Variants in CACNA1E observed in about 807,000 individuals in gnomAD.
The protein encoded by CACNA1E is voltage-dependent R-type calcium channel subunit alpha-1E.
Under a neutral mutation model 259.2 loss-of-function variants are expected in CACNA1E, and 40 were observed. The observed-to-expected ratio is 0.15, with a 90% CI of 0.12 to 0.20. The LOEUF (loss-of-function observed/expected upper bound fraction) is 0.20. CACNA1E is among the 10% of genes least tolerant of loss of function. The probability of loss-of-function intolerance (pLI) is 1.00; values close to 1 mark genes in which losing one functional copy is unlikely to be tolerated. For missense variants in CACNA1E, 1,874 were observed against 3,040.1 expected (o/e 0.62, Z 9.02); for synonymous variants, 1,104 against 1,138.5 (o/e 0.97, Z 0.61).
intron 6 of CACNA1E, among the ~76,000 whole-genome samples, chr1:181,585,030 C>T (rs1446025913): frequency 2.6e-5 from 4 of 151,908 alleles, no homozygotes; most frequent in African/African-American, 9.7e-5. Context: ...CTGCCTCAAA[C>T]AACCCCATCT....
intron 3 of CACNA1E, among the ~76,000 whole-genome samples, chr1:181,555,564 G>A (rs983144879): frequency 5.9e-5 from 9 of 152,200 alleles, no homozygotes; most frequent in African/African-American, 1.9e-4. Context: ...AGAATAACCA[G>A]GTTTTCTCCT....
chr1:181,386,282 C>T (rs1033643758), intron 1 of CACNA1E, among the ~76,000 whole-genome samples: 11 of 152,024 alleles, frequency 7.2e-5, no homozygotes, highest in African/African-American at 2.7e-4. Flanking sequence ...GATACTTTGA[C>T]GGTGAGAAGT....
chr1:181,613,779 T>C (rs1412981236), intron 6 of CACNA1E, among the ~76,000 whole-genome samples: 1 of 152,224 alleles, frequency 6.6e-6, no homozygotes, highest in African/African-American at 2.4e-5. Flanking sequence ...CTTTGTGGCA[T>C]ATTTTTTTCC....
chr1:181,549,046 T>C (rs1647838226), intron 3 of CACNA1E, among the ~76,000 whole-genome samples: 1 of 152,222 alleles, frequency 6.6e-6, no homozygotes, highest in Non-Finnish European at 1.5e-5. Flanking sequence ...GAATCATTCT[T>C]AATCGATCCC....
intron 25 of CACNA1E, among the ~76,000 whole-genome samples, chr1:181,742,086 C>T (rs973489874): frequency 6.6e-6 from 1 of 152,206 alleles, no homozygotes; most frequent in South Asian, 2.1e-4. Context: ...GGTTCCCACT[C>T]CCCCTCCTTT....
intron 6 of CACNA1E, among the ~76,000 whole-genome samples, chr1:181,625,781 A>G (rs1572413433): frequency 6.6e-6 from 1 of 152,122 alleles, no homozygotes; most frequent in Non-Finnish European, 1.5e-5. Context: ...TTTTTCTTGC[A>G]CTCACAATTT....
intron 7 of CACNA1E, among the ~76,000 whole-genome samples, chr1:181,669,612 G>T (rs572370715): frequency 6.6e-6 from 1 of 152,328 alleles, no homozygotes; most frequent in East Asian, 1.9e-4. Context: ...ATCATGGTGA[G>T]TTCACTTTCT....
intron 1 of CACNA1E, among the ~76,000 whole-genome samples, chr1:181,500,991 G>A (rs532306752): frequency 6.6e-6 from 1 of 152,198 alleles, no homozygotes; most frequent in Non-Finnish European, 1.5e-5. Flanking sequence ...GCACGTTGCT[G>A]CCAGAACTCT....
chr1:181,390,302 C>CTTATTTATTTATTTATTTAT lies in CACNA1E; in HGVS notation c.-14-22820_-14-22801dup, dbSNP rs58239460. ...TTACCCAGGAGAGGAGAGGAGACAC[C>CTTATTTATTTATTTATTTAT]TTATTTATTTATTTATTTATTTATT... On this transcript the variant is annotated intron_variant, in intron 1 of 11. Transcript: ENST00000524607. 8.6e-4 allele frequency among the ~76,000 whole-genome samples: 119 copies of CTTATTTATTTATTTATTTAT among 137,646 alleles called. 1 individual carries two copies. Among genetic ancestry groups the CTTATTTATTTATTTATTTAT allele is most frequent in the Admixed American group, 2.6e-3 (35 of 13,266 alleles). The allele number at this position is 137,646 out of a possible 152,430, so 90.3% of individuals were successfully genotyped here.
At chr1:181,631,895 T>C (rs1656781446) in intron 6 of CACNA1E, among the ~76,000 whole-genome samples, 1 of 152,138 alleles carries the variant, frequency 6.6e-6, no homozygotes. Flanking sequence ...GAAGACTCCA[T>C]AAGCCCAGGG....
At position 181,483,890 on chromosome 1, in the gene CACNA1E, C is replaced by G; in HGVS notation, c.146C>G (p.Thr49Ser). Residue 49 changes from threonine to serine, a missense_variant, in exon 1 of 48, where the codon ACT becomes AGT. Transcript: ENST00000367573. ...YKQTKAQRAR[T>S]MALYNPIPVR... ...CAGACGAAAGCACAGAGGGCGCGGA[C>G]TATGGCTTTGTACAACCCCATTCCC... 2 of 1,613,764 alleles carry G rather than the reference C, an allele frequency of 1.2e-6. No homozygotes were observed. The highest frequency in any genetic ancestry group is 1.7e-6 in the Non-Finnish European group (2 of 1,179,836).
intron 2 of CACNA1E, among the ~76,000 whole-genome samples, chr1:181,457,857 C>G (rs1019000585): frequency 6.6e-6 from 1 of 152,164 alleles, no homozygotes; most frequent in African/African-American, 2.4e-5. Flanking sequence ...GACCTTGGTA[C>G]ATTCCCACTA....
intron 1 of CACNA1E, among the ~76,000 whole-genome samples, chr1:181,382,050 A>T (rs1437720295): frequency 6.6e-6 from 1 of 152,244 alleles, no homozygotes; most frequent in Non-Finnish European, 1.5e-5. Flanking sequence ...AGGGAAGAGA[A>T]GCCTGGGGAC....
intron 1 of CACNA1E, among the ~76,000 whole-genome samples, chr1:181,403,039 T>G (rs1657217082): frequency 6.6e-6 from 1 of 152,172 alleles, no homozygotes; most frequent in African/African-American, 2.4e-5. Flanking sequence ...AATACCATTA[T>G]TAGAGCCAGC....
intron 3 of CACNA1E, among the ~76,000 whole-genome samples, chr1:181,532,892 G>A (rs578135900): frequency 7.9e-5 from 12 of 152,210 alleles, no homozygotes; most frequent in African/African-American, 2.4e-4. Context: ...GTTACCATTC[G>A]CTTTATAGGT....
At chr1:181,665,259 G>A (rs144663111) in intron 7 of CACNA1E, among the ~76,000 whole-genome samples, 3 of 151,986 alleles carry the variant, frequency 2.0e-5, no homozygotes, top group African/African-American at 4.8e-5. Flanking sequence ...TTTCACACAT[G>A]TATATGATGT....
chr1:181,447,536 GAA>G lies in CACNA1E; in HGVS notation c.434+33968_434+33969del, dbSNP rs58207856. Among the ~76,000 whole-genome samples, 914 of 139,254 alleles carry G rather than the reference GAA, an allele frequency of 6.6e-3. 10 individuals carry two copies. Among genetic ancestry groups the G allele is most frequent in the African/African-American group, 0.021 (835 of 39,298 alleles). The allele number at this position is 139,254 out of a possible 152,430, so 91.4% of individuals were successfully genotyped here. On this transcript the variant is annotated intron_variant, in intron 2 of 11. Transcript: ENST00000524607. ...ACAGAGTGAGACCATCTCTTAAAAA[GAA>G]AAAAAAAAAAAGCAGTTAAATCTAC...
chr1:181,746,826 C>A (rs2102635320), intron 25 of CACNA1E, among the ~76,000 whole-genome samples: 1 of 152,140 alleles, frequency 6.6e-6, no homozygotes, highest in East Asian at 1.9e-4. Flanking sequence ...ACTCTAACAT[C>A]ACAAATAAGA....
intron 2 of CACNA1E, among the ~76,000 whole-genome samples, chr1:181,441,019 A>G (rs2332288): frequency 7.9e-6 from 1 of 126,940 alleles, no homozygotes; most frequent in Admixed American, 8.2e-5. Flanking sequence ...AAAAAAAAAA[A>G]GCGCCCAGCT....
Sources: gnomAD v4.1 joint callset for allele counts (sites outside exome capture counted in the v4.1 genomes callset) on GRCh38, gnomAD v4.1.1 for gene constraint, MANE v1.5 for transcripts, NCBI Gene and HGNC (gene_info 2026-07-23, HGNC 2026-07-21) for gene names.